GNLY: variants seen among roughly 807,000 people sequenced by gnomAD.
The protein encoded by GNLY is T-cell activation protein 519.
Under a neutral mutation model 18.5 loss-of-function variants are expected in GNLY, and 15 were observed. That is an observed-to-expected ratio of 0.81 (90% CI 0.54 to 1.25). The LOEUF is 1.25. Among genes scored for constraint, GNLY ranks in the 50% most tolerant of loss-of-function variants. GNLY has a pLI of 0.00. For missense variants in GNLY, 178 were observed against 186.9 expected, an observed-to-expected ratio of 0.95 and a Z score of 0.28; for synonymous variants, 77 against 74.9, an observed-to-expected ratio of 1.03 and a Z score of -0.14.
intron 1 of GNLY, 89 bp downstream of exon 1, chr2:85,694,559 C>T: frequency 1.5e-6 from 2 of 1,339,642 alleles, no homozygotes; most frequent in Non-Finnish European, 2.1e-6. Context: ...ACTCTGTGGG[C>T]ACCCAGGTGC....
At chr2:85,697,172 C>A (rs1561284) in intron 3 of GNLY, 83,405 of 227,282 alleles carry the variant, frequency 0.37, 16,291 homozygotes, top group East Asian at 0.52. Flanking sequence ...GTCCTGGACC[C>A]AGGTAGCTAC....
In GNLY at chr2:85,694,398, C is replaced by T. The variant is rs758125596; in HGVS notation, c.-21C>T. On this transcript the variant is annotated 5_prime_UTR_variant, in exon 1 of 5. Transcript: ENST00000263863. ...TGCCCATAAAACAGGGTGTGAAAGG[C>T]ATCTCAGCGGCTGCCCCACCATGGC... 6.2e-7 allele frequency: 1 copy of T among 1,612,748 alleles called. No individual in the cohort carries two copies. Among genetic ancestry groups the T allele is most frequent in the Non-Finnish European group, 8.5e-7 (1 of 1,178,792 alleles).
intron 3 of GNLY, chr2:85,697,244 G>C: frequency 2.2e-6 from 1 of 450,086 alleles, no homozygotes; most frequent in Non-Finnish European, 4.1e-6. Flanking sequence ...CAGAAGGCAG[G>C]GGACAGGTGC....
chr2:85,694,884 C>T, intron 1 of GNLY: 2 of 1,546,344 alleles, frequency 1.3e-6, no homozygotes, highest in Non-Finnish European at 1.7e-6. Context: ...TCAAGGCAGA[C>T]TTCCTGCCCC....
chr2:85,694,969 G>A, intron 1 of GNLY: 1 of 1,593,796 alleles, frequency 6.3e-7, no homozygotes, highest in South Asian at 1.1e-5. Flanking sequence ...AAGGGAGAGT[G>A]GATTTGGCTG....
chr2:85,694,905 C>T, intron 1 of GNLY: 1 of 1,558,302 alleles, frequency 6.4e-7, no homozygotes, highest in Non-Finnish European at 8.7e-7. Flanking sequence ...CTGCACCCTG[C>T]TCTCTCCCAG....
Position 85,698,752 on chromosome 2 carries a change from A to C in GNLY, c.*178A>C, listed in dbSNP as rs1220077308. ...AGAATAAAGTGTCAAGCAAGATTTT[A>C]GCCGCAGCTGCTTCTTCTTTGGTGG... On this transcript the variant is annotated 3_prime_UTR_variant, in exon 5 of 5. Coordinates refer to ENST00000263863, the MANE Select transcript of GNLY (RefSeq NM_006433.5). 6.6e-7 allele frequency: 1 copy of C among 1,524,706 alleles called. No individual in the cohort carries two copies. The highest frequency in any genetic ancestry group is 1.4e-5 in the African/African-American group (1 of 72,770). 94.4% of individuals were successfully genotyped at this position (1,524,706 alleles called of 1,614,324 possible).
At chr2:85,696,079 C>G in intron 3 of GNLY, 23 bp downstream of exon 3, 1 of 1,339,934 alleles carries the variant, frequency 7.5e-7, no homozygotes, top group Non-Finnish European at 1.1e-6. Flanking sequence ...GGCTACAGAG[C>G]CTCCTGTCTG....
chr2:85,698,808 G>T lies in GNLY; in HGVS notation c.*234G>T. ...AGGGGTGGGTGTCAGTGGCATGCTG[G>T]GGTGAGCTGTGTAGTCCTTCAATAA... On this transcript the variant is annotated 3_prime_UTR_variant, in exon 5 of 5. Transcript: ENST00000263863. 6.8e-7 allele frequency: 1 copy of T among 1,480,782 alleles called. No homozygotes were observed. The highest frequency in any genetic ancestry group is 1.3e-5 in the South Asian group (1 of 75,162). 91.7% of individuals were successfully genotyped at this position (1,480,782 alleles called of 1,614,324 possible).
At chr2:85,695,098 C>G (rs1297246683) in intron 1 of GNLY, 13 of 1,188,824 alleles carry the variant, frequency 1.1e-5, no homozygotes, top group African/African-American at 4.6e-5. Context: ...GAGAGAGTCT[C>G]GCCCTCCTGG....
At chr2:85,696,268 G>A (rs1367268376) in intron 3 of GNLY, 6 of 553,728 alleles carry the variant, frequency 1.1e-5, no homozygotes, top group East Asian at 3.0e-5. Context: ...TAAGTCAGAC[G>A]GCAGAGTATA....
intron 1 of GNLY, 33 bp downstream of exon 1, chr2:85,694,503 G>T: frequency 6.2e-7 from 1 of 1,600,858 alleles, no homozygotes; most frequent in Non-Finnish European, 8.6e-7. Context: ...GATCCTGATG[G>T]CCCACCCAGC....
chr2:85,696,654 C>T (rs1244700096), intron 3 of GNLY: 1 of 152,284 alleles, frequency 6.6e-6, no homozygotes, highest in Non-Finnish European at 1.5e-5. Flanking sequence ...ATTCTCCTGT[C>T]TAAGCCTCCT....
chr2:85,695,056 C>T (rs922392312), intron 1 of GNLY: 1 of 1,482,156 alleles, frequency 6.7e-7, no homozygotes, highest in African/African-American at 1.4e-5. Context: ...AACCGACCCC[C>T]AAATCTGTGT....
In GNLY at chr2:85,695,053, C is replaced by A; in HGVS notation, c.53-267C>A. ...GAGGGAAGTTTCTAGACAAACCGAC[C>A]CCCAAATCTGTGTTGCTGGGGGAAC... On this transcript the variant is annotated intron_variant, in intron 1 of 4. Transcript: ENST00000263863. 4 of 1,498,798 alleles carry A rather than the reference C, an allele frequency of 2.7e-6. No homozygotes were observed. In the South Asian group the frequency reaches 3.6e-5, roughly 13 times the overall value. 92.8% of individuals were successfully genotyped at this position (1,498,798 alleles called of 1,614,324 possible).
At chr2:85,695,865 G>T in intron 2 of GNLY, 93 bp from the exon 3 acceptor site, 3 of 710,524 alleles carry the variant, frequency 4.2e-6, no homozygotes, top group Non-Finnish European at 7.5e-6. Context: ...CATTCCTGCC[G>T]GCCTCAGAAA....
In GNLY at chr2:85,696,018, G is replaced by A. The variant is rs1678433633; in HGVS notation, c.217G>A (p.Val73Ile). 1.2e-6 allele frequency: 2 copies of A among 1,611,566 alleles called. No homozygotes were observed. The highest frequency in any genetic ancestry group is 1.1e-5 in the South Asian group (1 of 90,958). Residue 73 changes from valine to isoleucine, a missense_variant, in exon 3 of 5, where the codon GTC (valine) becomes ATC (isoleucine). By Grantham distance (29) the Val-to-Ile change is conservative (BLOSUM62 3). Transcript: ENST00000263863. The stretch of plus-strand genomic sequence containing the variant: ...TGACTACAGGACCTGTCTGACGATA[G>A]TCCAAAAACTGAAGAAGATGGTGGA... ...GRDYRTCLTI[V>I]QKLKKMVDKP...
chr2:85,698,434 G>A lies in GNLY; in HGVS notation c.428-130G>A, dbSNP rs1357597907. ...TGCTCAGGCTGCCGACTGGCTTCCA[G>A]GATGTGCCTCTGGGTGTGTTCAGTA... On this transcript the variant is annotated intron_variant, in intron 4 of 4. Coordinates refer to ENST00000263863, the MANE Select transcript of GNLY (RefSeq NM_006433.5). 2.0e-6 allele frequency: 3 copies of A among 1,511,672 alleles called. No homozygotes were observed. The African/African-American group carries it at 4.1e-5, about 21-fold the overall frequency. The allele number at this position is 1,511,672 out of a possible 1,614,324, so 93.6% of individuals were successfully genotyped here.
At chr2:85,695,929 ACC>A (rs1558588273) in intron 2 of GNLY, 27 bp from the exon 3 acceptor site, 7 of 1,327,940 alleles carry the variant, frequency 5.3e-6, no homozygotes, top group Non-Finnish European at 6.5e-6. Flanking sequence ...TGTCTGAGAG[ACC>A]ATCATAAGGG....
Sources: gnomAD v4.1 joint callset for allele counts on GRCh38, gnomAD v4.1.1 for gene constraint, MANE v1.5 for transcripts, NCBI Gene and HGNC (gene_info 2026-07-23, HGNC 2026-07-21) for gene names.